Variants in NUP205 observed in about 807,000 individuals in gnomAD.
NUP205 encodes nuclear pore complex protein Nup205.
In NUP205, 76 loss-of-function variants were observed where a neutral mutation model predicts 253.8. The ratio of observed to expected loss-of-function variants is 0.30; its 90% CI spans 0.25 to 0.36. NUP205 has a LOEUF of 0.36. Among genes scored for constraint, NUP205 ranks in the 10% least tolerant of loss-of-function variants. The pLI, the probability that NUP205 is intolerant of heterozygous loss-of-function variation, is 1.00. For synonymous variants in NUP205, 832 were observed against 850.1 expected (o/e 0.98, Z 0.37); for missense variants, 2,162 against 2,425.5 (o/e 0.89, Z 2.28).
At chr7:135,584,773 A>T (rs1253919952) in intron 7 of NUP205, 59 bp from the exon 8 acceptor site, 1 of 1,446,352 alleles carries the variant, frequency 6.9e-7, no homozygotes, top group East Asian at 2.3e-5. Context: ...ATGAGATATA[A>T]TTACAATCTG....
intron 19 of NUP205, 71 bp from the exon 20 acceptor site, chr7:135,606,074 A>G (rs1291041799): frequency 3.0e-6 from 3 of 1,003,172 alleles, no homozygotes; most frequent in Non-Finnish European, 4.7e-6. Flanking sequence ...ATTTACATAT[A>G]TCAATCATAG....
At chr7:135,604,529 G>C in intron 19 of NUP205, 69 bp downstream of exon 19, 1 of 1,414,968 alleles carries the variant, frequency 7.1e-7, no homozygotes, top group Non-Finnish European at 9.7e-7. Flanking sequence ...GGAAGTTCTA[G>C]TGTCTATGGA....
At chr7:135,635,514 C>G in intron 35 of NUP205, 67 bp from the exon 36 acceptor site, 1 of 902,142 alleles carries the variant, frequency 1.1e-6, no homozygotes. Context: ...ATTAGAACCT[C>G]TCTTCCTAGT....
At chr7:135,607,604 G>A (rs1368534772) in intron 22 of NUP205, among the ~76,000 whole-genome samples, 1 of 152,106 alleles carries the variant, frequency 6.6e-6, no homozygotes, top group Non-Finnish European at 1.5e-5. Flanking sequence ...TTTTTGTGAT[G>A]GATTTTTACC....
At chr7:135,611,022 G>A (rs538052698) in intron 22 of NUP205, among the ~76,000 whole-genome samples, 12 of 146,080 alleles carry the variant, frequency 8.2e-5, no homozygotes, top group African/African-American at 3.1e-4. Flanking sequence ...TTTTTTGGGT[G>A]GGGGACAGAG....
intron 16 of NUP205, among the ~76,000 whole-genome samples, 175 bp downstream of exon 16, chr7:135,601,144 TCAAGAACA>T (rs1793957436): frequency 6.6e-6 from 1 of 152,192 alleles, no homozygotes; most frequent in Non-Finnish European, 1.5e-5. Context: ...GAATGGAAGA[TCAAGAACA>T]CTGCATTACA....
chr7:135,603,457 C>G (rs939660476), intron 18 of NUP205, among the ~76,000 whole-genome samples: 2 of 151,288 alleles, frequency 1.3e-5, no homozygotes, highest in African/African-American at 4.9e-5. Flanking sequence ...TTTAATTACT[C>G]TGAACTTTAC....
chr7:135,623,153 CCT>C (rs1425224019), intron 31 of NUP205, among the ~76,000 whole-genome samples: 3 of 152,060 alleles, frequency 2.0e-5, no homozygotes, highest in Non-Finnish European at 2.9e-5. Context: ...GTGGCATGCA[CCT>C]GTAGTCCCAG....
intron 7 of NUP205, among the ~76,000 whole-genome samples, chr7:135,580,748 C>T (rs1234913797): frequency 6.6e-6 from 1 of 152,036 alleles, no homozygotes; most frequent in Non-Finnish European, 1.5e-5. Context: ...CAGGCGCGAG[C>T]CACCATGCCC....
Position 135,598,042 on chromosome 7 carries a change from G to T in NUP205, c.2109G>T (p.Leu703Phe). The T allele has an allele frequency of 1.9e-6, 3 of 1,614,060 alleles. No homozygotes were observed. The highest frequency in any genetic ancestry group is 2.5e-6 in the Non-Finnish European group (3 of 1,179,982). ...AATCCCGGTGTGAAGAATACCCATT[G>T]ACTCGGGCCTTTTGCCAGCTTATTA... ...EIESRCEEYP[L>F]TRAFCQLIST... is the part of the protein sequence containing the mutation. Residue 703 changes from leucine to phenylalanine, a missense_variant, in exon 15 of 43, where the codon TTG becomes TTT. This residue lies in a region of NUP205 where 892 missense variants were observed against 957.1 expected (regional missense o/e 0.93). Transcript: ENST00000285968.
chr7:135,584,575 A>G (rs1438717358), intron 7 of NUP205, among the ~76,000 whole-genome samples: 1 of 152,244 alleles, frequency 6.6e-6, no homozygotes, highest in Non-Finnish European at 1.5e-5. Context: ...TCTCTAAAAT[A>G]ATTTTCATTA....
chr7:135,620,994 TTCAA>T (rs1277413285), intron 30 of NUP205, among the ~76,000 whole-genome samples: 2 of 152,260 alleles, frequency 1.3e-5, no homozygotes, highest in East Asian at 3.8e-4. Flanking sequence ...ACATTTGATG[TTCAA>T]TCAAGTTATT....
At chr7:135,592,554 A>G (rs981149557) in intron 11 of NUP205, among the ~76,000 whole-genome samples, 1 of 152,224 alleles carries the variant, frequency 6.6e-6, no homozygotes. Flanking sequence ...CTTATGCAGG[A>G]CAGAGATTGC....
intron 5 of NUP205, 144 bp downstream of exon 5, chr7:135,577,272 T>A (rs996977287): frequency 2.3e-5 from 17 of 744,574 alleles, no homozygotes; most frequent in Non-Finnish European, 3.5e-5. Flanking sequence ...TTTGCTTTTA[T>A]TATTTTTCAT....
chr7:135,566,714 T>C (rs972697306), intron 1 of NUP205, among the ~76,000 whole-genome samples: 17 of 152,082 alleles, frequency 1.1e-4, no homozygotes, highest in African/African-American at 4.1e-4. Flanking sequence ...ATTATACTGA[T>C]ATCTTTGGAA....
At chr7:135,629,529 C>CTTTTT (rs767221141) in intron 34 of NUP205, among the ~76,000 whole-genome samples, 1 of 127,524 alleles carries the variant, frequency 7.8e-6, no homozygotes, top group Non-Finnish European at 1.7e-5. Flanking sequence ...CTCTGTCTCT[C>CTTTTT]TTTTTTTTTT....
chr7:135,605,275 C>G (rs1334436376), intron 19 of NUP205, among the ~76,000 whole-genome samples: 1 of 152,116 alleles, frequency 6.6e-6, no homozygotes, highest in African/African-American at 2.4e-5. Context: ...TCTCGGCCTC[C>G]CAAAGTGCTA....
At position 135,602,888 on chromosome 7, in the gene NUP205, C is replaced by T; in HGVS notation, c.2596C>T (p.Leu866Phe). 6.2e-7 allele frequency: 1 copy of T among 1,613,624 alleles called. No homozygotes were observed. Among genetic ancestry groups the T allele is most frequent in the African/African-American group, 1.3e-5 (1 of 75,012 alleles). The stretch of plus-strand genomic sequence containing the variant: ...GCAAAAGGAAAATCTTTTTATGGAC[C>T]TTCTAAGAGAGAGTCAACTGGCTCT... Reference protein sequence around the residue: ...TLQKENLFMDLLRESQLALIV... With the variant: ...TLQKENLFMDFLRESQLALIV... The change falls in exon 18 of 43, where the codon CTT becomes TTT. Residue 866 changes from leucine (L) to phenylalanine (F), a missense_variant. Transcript: ENST00000285968.
intron 18 of NUP205, 127 bp from the exon 19 acceptor site, chr7:135,604,213 C>A: frequency 1.4e-6 from 1 of 703,770 alleles, no homozygotes; most frequent in Non-Finnish European, 2.2e-6. Flanking sequence ...AAGGGGACAG[C>A]TTTTTCTTAT....
Sources: allele counts gnomAD v4.1 joint callset (sites outside exome capture counted in the v4.1 genomes callset), GRCh38; gene constraint gnomAD v4.1.1; regional missense constraint gnomAD v4.1.1; transcripts MANE v1.5; gene names NCBI Gene and HGNC (gene_info 2026-07-23, HGNC 2026-07-21).